The following XG variants were observed in gnomAD, a reference collection of about 807,000 sequenced individuals.
XG encodes glycoprotein Xg.
Under a neutral mutation model 25.7 loss-of-function variants are expected in XG, and 24 were observed. That is an observed-to-expected ratio of 0.93 (90% CI 0.68 to 1.31). XG has a LOEUF of 1.31. XG is among the 40% of genes most tolerant of loss of function. The pLI is 0.00. For missense variants in XG, 181 were observed against 187.6 expected (o/e 0.96, Z 0.21); for synonymous variants, 77 against 69.2 (o/e 1.11, Z -0.56).
chrX:2,793,830 C>T (rs777390155), intron 5 of XG, among the ~76,000 whole-genome samples: 5 of 111,578 alleles, frequency 4.5e-5, no homozygotes, highest in East Asian at 2.8e-4. Context: ...CCACTGCCAA[C>T]GTGAGGGCTG....
intron 7 of XG, among the ~76,000 whole-genome samples, chrX:2,801,761 T>C (rs1287541452): frequency 9.0e-6 from 1 of 110,790 alleles, no homozygotes; most frequent in Non-Finnish European, 1.9e-5. Context: ...CAGGCTGGAG[T>C]GCAGTGGCGT....
intron 3 of XG, 57 bp downstream of exon 3, chrX:2,774,796 G>A (rs546800050): frequency 4.1e-5 from 65 of 1,603,504 alleles, no homozygotes; most frequent in Middle Eastern, 1.7e-4. Flanking sequence ...TGATGCTTAC[G>A]GAGGGGATGG....
At chrX:2,768,407 A>T (rs920439301) in intron 1 of XG, among the ~76,000 whole-genome samples, 1 of 152,172 alleles carries the variant, frequency 6.6e-6, no homozygotes, top group African/African-American at 2.4e-5. Context: ...TGTTGCACAG[A>T]TCCAAGAGGC....
chrX:2,775,725 G>A (rs2050965636), intron 3 of XG, among the ~76,000 whole-genome samples: 1 of 152,044 alleles, frequency 6.6e-6, no homozygotes, highest in Non-Finnish European at 1.5e-5. Flanking sequence ...AAAGGCCGAG[G>A]TGGGCAGATC....
chrX:2,794,663 G>T, intron 6 of XG, 60 bp downstream of exon 6: 1 of 1,151,831 alleles, frequency 8.7e-7, no homozygotes, highest in Non-Finnish European at 1.2e-6. Context: ...GGTGGGATGA[G>T]AGGCCTGAAG....
intron 3 of XG, among the ~76,000 whole-genome samples, chrX:2,779,854 C>T (rs2051080627): frequency 6.6e-6 from 1 of 151,956 alleles, no homozygotes; most frequent in African/African-American, 2.4e-5. Flanking sequence ...ACCATGTTGT[C>T]CAGGCTGGTT....
At position 2,794,518 on chromosome X, in the gene XG, C is replaced by A. The variant is rs758737681; in HGVS notation, c.254-17C>A. The A allele has an allele frequency of 8.3e-7, 1 of 1,209,328 alleles. No individual in the cohort carries two copies. The highest frequency in any genetic ancestry group is 3.0e-5 in the East Asian group (1 of 33,629). On this transcript the variant is annotated splice_polypyrimidine_tract_variant and intron_variant, in intron 5 of 10. Coordinates refer to ENST00000644266, the MANE Select transcript of XG (RefSeq NM_001141919.2). ...TGGAGAGGTCTCATGAGCAATGCCGCGTGCTCTGCCCCACAGGTTACTTCA... is the reference window on the plus strand; with the variant it reads ...TGGAGAGGTCTCATGAGCAATGCCGAGTGCTCTGCCCCACAGGTTACTTCA...
At chrX:2,768,719 G>T (rs2050752072) in intron 1 of XG, among the ~76,000 whole-genome samples, 1 of 152,232 alleles carries the variant, frequency 6.6e-6, no homozygotes, top group African/African-American at 2.4e-5. Flanking sequence ...AGTGGGCTGA[G>T]ATTGTGCCAC....
At chrX:2,807,943 G>T (rs1052499305) in intron 8 of XG, among the ~76,000 whole-genome samples, 7 of 111,750 alleles carry the variant, frequency 6.3e-5, no homozygotes, top group Non-Finnish European at 1.3e-4. Context: ...TGAAATTAAA[G>T]CTGCATCTCC....
At chrX:2,772,495 G>A (rs1207033685) in intron 2 of XG, among the ~76,000 whole-genome samples, 1 of 152,132 alleles carries the variant, frequency 6.6e-6, no homozygotes, top group East Asian at 1.9e-4. Flanking sequence ...AATATGAAAT[G>A]TCCAGAATAG....
At chrX:2,781,438 T>A (rs2051118748) in intron 3 of XG, among the ~76,000 whole-genome samples, 2 of 150,342 alleles carry the variant, frequency 1.3e-5, no homozygotes, top group Non-Finnish European at 3.0e-5. Flanking sequence ...CTGAGGAAGA[T>A]CCTCAGGACT....
At chrX:2,782,813 G>A (rs2086744449) in intron 4 of XG, among the ~76,000 whole-genome samples, 1 of 111,846 alleles carries the variant, frequency 8.9e-6, no homozygotes, top group South Asian at 3.8e-4. Flanking sequence ...GAGCCCTAAA[G>A]TGTAATTTCT....
chrX:2,774,611 T>C (rs2050933884), intron 2 of XG, 105 bp from the exon 3 acceptor site: 1 of 1,279,380 alleles, frequency 7.8e-7, no homozygotes, highest in East Asian at 2.3e-5. Context: ...TTTGTATGGC[T>C]TTGTCACTCC....
chrX:2,802,739 G>C (rs1175384546), intron 7 of XG, among the ~76,000 whole-genome samples: 1 of 110,744 alleles, frequency 9.0e-6, no homozygotes, highest in East Asian at 2.8e-4. Flanking sequence ...TTTTACAATA[G>C]TGATGCCATC....
chrX:2,798,369 C>CTTTT (rs748928232), intron 7 of XG, among the ~76,000 whole-genome samples: 5 of 83,837 alleles, frequency 6.0e-5, no homozygotes, highest in East Asian at 3.8e-4. Context: ...ACCATCTTTT[C>CTTTT]TTTTTTTTTT....
At chrX:2,776,098 G>A (rs1221244208) in intron 3 of XG, among the ~76,000 whole-genome samples, 1 of 151,954 alleles carries the variant, frequency 6.6e-6, no homozygotes, top group Admixed American at 6.6e-5. Flanking sequence ...GACCATCCTG[G>A]CTAACACGGT....
At chrX:2,811,618 C>G (rs1213852251) in intron 10 of XG, among the ~76,000 whole-genome samples, 166 bp downstream of exon 10, 1 of 111,819 alleles carries the variant, frequency 8.9e-6, no homozygotes, top group Non-Finnish European at 1.9e-5. Context: ...CTTTTTGAGA[C>G]AGAGTTACAC....
At position 2,816,478 on chromosome X, in the gene XG, TTAATAAA is replaced by T. The variant is rs756350602; in HGVS notation, c.*2101_*2107del. ...GACCTTTATGGTGATCCGCTTCCAC[TTAATAAA>T]TAGTAAATTCATTAATTTTATCTTC... is the stretch of plus-strand genomic sequence containing the variant. On this transcript the variant is annotated 3_prime_UTR_variant, in exon 11 of 11. Coordinates refer to ENST00000644266, the MANE Select transcript of XG (RefSeq NM_001141919.2). 1 of 112,035 alleles carries T rather than the reference TTAATAAA, an allele frequency of 8.9e-6. No homozygotes were observed. The highest frequency in any genetic ancestry group is 3.2e-5 in the African/African-American group (1 of 30,850). 9.2% of individuals were successfully genotyped at this position (112,035 alleles called of 1,213,427 possible). A position where few individuals can be genotyped will look rare whatever the true frequency, so the allele number is the denominator to read the frequency against.
intron 1 of XG, among the ~76,000 whole-genome samples, chrX:2,765,364 A>G (rs868507230): frequency 7.6e-6 from 1 of 130,728 alleles, no homozygotes. Flanking sequence ...GAAAGAGAGA[A>G]AGAGGGAGGG....
Sources: allele counts gnomAD v4.1 joint callset (sites outside exome capture counted in the v4.1 genomes callset), GRCh38; gene constraint gnomAD v4.1.1; transcripts MANE v1.5; gene names NCBI Gene and HGNC (gene_info 2026-07-23, HGNC 2026-07-21).